STX18: variants seen among roughly 807,000 people sequenced by gnomAD.
STX18 encodes the protein syntaxin 18, also known as syntaxin-18.
In STX18, 40 loss-of-function variants were observed where a neutral mutation model predicts 50.1. The observed-to-expected ratio is 0.80, with a 90% CI of 0.62 to 1.04. STX18 has a LOEUF of 1.04. STX18 is among the 50% of genes least tolerant of loss of function. The pLI is 0.00. For missense variants in STX18, 410 were observed against 415.8 expected, an observed-to-expected ratio of 0.99 and a Z score of 0.12; for synonymous variants, 158 against 151.8, an observed-to-expected ratio of 1.04 and a Z score of -0.30.
At chr4:4,429,498 C>G (rs1725417206) in intron 7 of STX18, among the ~76,000 whole-genome samples, 1 of 152,160 alleles carries the variant, frequency 6.6e-6, no homozygotes, top group South Asian at 2.1e-4. Flanking sequence ...CCAAGAAAAG[C>G]TGAGGAGCAC....
intron 7 of STX18, among the ~76,000 whole-genome samples, chr4:4,429,734 A>C (rs903746197): frequency 2.0e-5 from 3 of 152,198 alleles, no homozygotes; most frequent in African/African-American, 7.2e-5. Flanking sequence ...GTAAACCTGG[A>C]ACCTCCCCAG....
Position 4,534,332 on chromosome 4 carries a change from A to G in STX18, c.168+7465T>C, listed in dbSNP as rs147944337. On this transcript the variant is annotated intron_variant, in intron 1 of 10. Coordinates refer to ENST00000306200, the MANE Select transcript of STX18 (RefSeq NM_016930.4). Reference sequence around the variant, plus strand: ...TAAGAAGAAGGCATGAATAACTGGCACTCAACTCTAACCCTGAAAACTCTG... The same window carrying G: ...TAAGAAGAAGGCATGAATAACTGGCGCTCAACTCTAACCCTGAAAACTCTG... Among the ~76,000 whole-genome samples the G allele has an allele frequency of 5.4e-4, 82 of 152,294 alleles. No individual in the cohort carries two copies. The East Asian group carries it at 0.016, about 29-fold the overall frequency.
chr4:4,454,763 G>T (rs1726978038), intron 5 of STX18, among the ~76,000 whole-genome samples: 1 of 152,192 alleles, frequency 6.6e-6, no homozygotes, highest in Non-Finnish European at 1.5e-5. Context: ...TCTTGATTCA[G>T]CTGTGATGCT....
intron 6 of STX18, among the ~76,000 whole-genome samples, chr4:4,436,611 T>C (rs560593495): frequency 6.6e-6 from 1 of 152,338 alleles, no homozygotes; most frequent in East Asian, 1.9e-4. Context: ...AACATGCTCA[T>C]TTGTGGCCAT....
chr4:4,492,120 C>T (rs11729668), intron 1 of STX18, among the ~76,000 whole-genome samples: 3,193 of 152,098 alleles, frequency 0.021, 57 homozygotes, highest in Admixed American at 0.031. Flanking sequence ...AGGGAGCTGT[C>T]AACTCTCTCC....
chr4:4,476,265 A>T (rs147257251), intron 1 of STX18: 1 of 152,264 alleles, frequency 6.6e-6, no homozygotes, highest in African/African-American at 2.4e-5. Flanking sequence ...TTTCTAACAT[A>T]AAGTGTAGTT....
chr4:4,482,975 G>A (rs1008090110), intron 1 of STX18, among the ~76,000 whole-genome samples: 1 of 152,136 alleles, frequency 6.6e-6, no homozygotes, highest in East Asian at 1.9e-4. Flanking sequence ...ACGGGACTGC[G>A]GCTTCCAGAA....
intron 1 of STX18, among the ~76,000 whole-genome samples, chr4:4,513,670 C>T (rs1730108235): frequency 6.6e-6 from 1 of 152,152 alleles, no homozygotes; most frequent in African/African-American, 2.4e-5. Flanking sequence ...AATCACACTG[C>T]TACATCTTAA....
intron 1 of STX18, among the ~76,000 whole-genome samples, chr4:4,480,257 G>A (rs1728392162): frequency 6.6e-6 from 1 of 152,168 alleles, no homozygotes; most frequent in Non-Finnish European, 1.5e-5. Context: ...CAATCAAAAA[G>A]GGTGAATCTT....
chr4:4,522,605 A>G (rs1306536074), intron 1 of STX18, among the ~76,000 whole-genome samples: 1 of 152,258 alleles, frequency 6.6e-6, no homozygotes, highest in Non-Finnish European at 1.5e-5. Flanking sequence ...AGCAACTCAC[A>G]GAGCACTCCA....
intron 2 of STX18, among the ~76,000 whole-genome samples, chr4:4,460,488 A>G (rs1454257295): frequency 6.6e-6 from 1 of 152,096 alleles, no homozygotes; most frequent in African/African-American, 2.4e-5. Context: ...TCCTGAGGAC[A>G]GGCCCTTCTA....
chr4:4,422,735 G>A (rs772437996), intron 9 of STX18, among the ~76,000 whole-genome samples: 12 of 152,146 alleles, frequency 7.9e-5, no homozygotes, highest in Non-Finnish European at 1.3e-4. Context: ...CTATGAACCC[G>A]AACTTGCAAA....
chr4:4,535,408 C>T (rs1731284707), intron 1 of STX18, among the ~76,000 whole-genome samples: 1 of 152,194 alleles, frequency 6.6e-6, no homozygotes, highest in African/African-American at 2.4e-5. Flanking sequence ...GTGCTGAGCT[C>T]TCCTTATAGT....
chr4:4,507,550 C>G (rs1174098396), intron 1 of STX18: 1 of 768,862 alleles, frequency 1.3e-6, no homozygotes, highest in Admixed American at 1.7e-5. Flanking sequence ...GCAAAAGCGT[C>G]CCAGGAGTGC....
intron 1 of STX18, among the ~76,000 whole-genome samples, chr4:4,474,699 A>G (rs2108840009): frequency 6.6e-6 from 1 of 152,276 alleles, no homozygotes; most frequent in East Asian, 1.9e-4. Flanking sequence ...GACTCATTCC[A>G]ATGTTGCTGG....
chr4:4,513,656 T>C (rs1461337329), intron 1 of STX18, among the ~76,000 whole-genome samples: 2 of 152,160 alleles, frequency 1.3e-5, no homozygotes, highest in African/African-American at 4.8e-5. Context: ...ATCAGGTTAG[T>C]AAAAATCACA....
chr4:4,509,848 A>G (rs1729917468), intron 1 of STX18, among the ~76,000 whole-genome samples: 1 of 152,156 alleles, frequency 6.6e-6, no homozygotes, highest in Non-Finnish European at 1.5e-5. Context: ...AGGTATCTCC[A>G]GGCAAATACT....
chr4:4,425,279 A>G (rs1254627826), intron 7 of STX18, 57 bp from the exon 8 acceptor site: 12 of 1,508,680 alleles, frequency 8.0e-6, no homozygotes, highest in Non-Finnish European at 2.8e-6. Flanking sequence ...GCAAGAGTCT[A>G]GCAAGAAAGC....
intron 1 of STX18, among the ~76,000 whole-genome samples, chr4:4,535,961 C>T (rs1731310255): frequency 6.6e-6 from 1 of 152,190 alleles, no homozygotes; most frequent in African/African-American, 2.4e-5. Context: ...TCAACACTGC[C>T]TCTGAAAAGG....
Sources: allele counts gnomAD v4.1 joint callset (sites outside exome capture counted in the v4.1 genomes callset), GRCh38; gene constraint gnomAD v4.1.1; transcripts MANE v1.5; gene names NCBI Gene and HGNC (gene_info 2026-07-23, HGNC 2026-07-21).